Variants in BRF1 observed in about 807,000 individuals in gnomAD.
BRF1 encodes transcription factor IIIB 90 kDa subunit.
BRF1 carries 59 observed loss-of-function variants against 81.7 expected under a neutral mutation model. That is an observed-to-expected ratio of 0.72 (90% CI 0.59 to 0.90). The LOEUF (loss-of-function observed/expected upper bound fraction) is 0.90. Ranked by LOEUF, BRF1 falls within the 40% of genes least tolerant of loss-of-function variation. The probability of loss-of-function intolerance (pLI) is 0.00; values close to 1 mark genes in which losing one functional copy is unlikely to be tolerated. For synonymous variants in BRF1, 491 were observed against 395.6 expected (o/e 1.24, Z -2.86); for missense variants, 1,050 against 936.3 (o/e 1.12, Z -1.58).
intron 3 of BRF1, among the ~76,000 whole-genome samples, chr14:105,261,714 C>G (rs587706067): frequency 3.3e-5 from 5 of 152,274 alleles, no homozygotes; most frequent in Non-Finnish European, 7.3e-5. Flanking sequence ...TAGAGCCCCA[C>G]AGAAAGGGCT....
At chr14:105,299,436 A>C (rs910043512) in intron 1 of BRF1, among the ~76,000 whole-genome samples, 2 of 152,080 alleles carry the variant, frequency 1.3e-5, no homozygotes, top group Non-Finnish European at 2.9e-5. Flanking sequence ...TGATCACAGC[A>C]TGGTGGCATG....
chr14:105,294,936 C>T (rs1011436018), intron 1 of BRF1, among the ~76,000 whole-genome samples: 4 of 152,140 alleles, frequency 2.6e-5, no homozygotes, highest in African/African-American at 9.7e-5. Flanking sequence ...AAGCCGAAAC[C>T]ACAGTGCAGA....
chr14:105,303,885 T>C (rs1189913548), upstream of BRF1, among the ~76,000 whole-genome samples: 2 of 152,228 alleles, frequency 1.3e-5, no homozygotes, highest in East Asian at 3.8e-4. Flanking sequence ...CTCCATTTTA[T>C]GGAGGGAGCC....
intron 5 of BRF1, among the ~76,000 whole-genome samples, chr14:105,245,479 A>G (rs2055027098): frequency 6.6e-6 from 1 of 152,248 alleles, no homozygotes. Flanking sequence ...AAGAAAAAGA[A>G]GCAAATAAAT....
Position 105,241,411 on chromosome 14 carries a change from G to A in BRF1, c.548C>T (p.Pro183Leu), listed in dbSNP as rs1206689613. 7 of 1,611,404 alleles carry A rather than the reference G, an allele frequency of 4.3e-6. No individual in the cohort carries two copies. Among genetic ancestry groups the A allele is most frequent in the Admixed American group, 1.7e-5 (1 of 59,990 alleles). ...CGCAAAGCGTGGAATATACAGGCACGGGTCTGCGGCAGACACAGCACCTCA... is the reference window on the plus strand; with the variant it reads ...CGCAAAGCGTGGAATATACAGGCACAGGTCTGCGGCAGACACAGCACCTCA... ...ELCINAPAIDPCLYIPRFAHL... is the reference protein window; with the variant it reads ...ELCINAPAIDLCLYIPRFAHL... Residue 183 changes from proline to leucine, a missense_variant, in exon 6 of 18, where the codon CCG becomes CTG. Pro to Leu is a moderately conservative substitution (Grantham distance 98, BLOSUM62 -3). Coordinates refer to ENST00000547530, the MANE Select transcript of BRF1 (RefSeq NM_001519.4).
chr14:105,260,800 G>A (rs951805060), intron 3 of BRF1, among the ~76,000 whole-genome samples: 1 of 152,222 alleles, frequency 6.6e-6, no homozygotes, highest in African/African-American at 2.4e-5. Context: ...CACTTGATCC[G>A]CATTCACCTG....
chr14:105,258,975 C>G (rs587666701), intron 3 of BRF1, among the ~76,000 whole-genome samples: 1 of 152,138 alleles, frequency 6.6e-6, no homozygotes, highest in African/African-American at 2.4e-5. Context: ...GCCACGAGCC[C>G]GCGACGTCAC....
intron 5 of BRF1, chr14:105,250,685 G>A: frequency 6.3e-7 from 1 of 1,596,094 alleles, no homozygotes. Context: ...TGCCCGGGGA[G>A]GCTGCAGCAG....
At chr14:105,241,662 G>A (rs1057452279) in intron 5 of BRF1, 17 of 563,684 alleles carry the variant, frequency 3.0e-5, no homozygotes, top group African/African-American at 9.4e-5. Flanking sequence ...GCCAGGCAGC[G>A]TGCTCCTACT....
intron 14 of BRF1, among the ~76,000 whole-genome samples, chr14:105,218,501 A>C (rs1891700969): frequency 6.6e-6 from 1 of 152,154 alleles, no homozygotes; most frequent in Non-Finnish European, 1.5e-5. Context: ...TCTCGCAGGC[A>C]GGGAACTGGC....
chr14:105,249,726 T>C (rs776474343), intron 5 of BRF1: 2 of 1,613,904 alleles, frequency 1.2e-6, no homozygotes, highest in Non-Finnish European at 8.5e-7. Flanking sequence ...GTCCCAGCAT[T>C]GGCAAAAGCC....
intron 4 of BRF1, among the ~76,000 whole-genome samples, chr14:105,253,931 G>A (rs2055742738): frequency 1.3e-5 from 2 of 152,240 alleles, no homozygotes; most frequent in Non-Finnish European, 1.5e-5. Context: ...GTGCAGACAT[G>A]CATGTGTGTA....
At position 105,253,132 on chromosome 14, in the gene BRF1, C is replaced by T. The variant is rs182248209; in HGVS notation, c.472-553G>A. Among the ~76,000 whole-genome samples the T allele has an allele frequency of 2.5e-4, 38 of 152,336 alleles. No homozygotes were observed. The East Asian group carries it at 6.0e-3, about 24-fold the overall frequency. On this transcript the variant is annotated intron_variant, in intron 4 of 17. Coordinates refer to ENST00000547530, the MANE Select transcript of BRF1 (RefSeq NM_001519.4). ...AGGGCAGTGGAGGTGAGGCCCAGAC[C>T]GAGAAGGGCAACGCCGAGGGCTGGC...
rs752842586 is a variant in BRF1, at chr14:105,226,106, T to C, written c.1011A>G (p.Pro337=). 6.2e-7 allele frequency: 1 copy of C among 1,613,968 alleles called. No homozygotes were observed. Among genetic ancestry groups the C allele is most frequent in the Non-Finnish European group, 8.5e-7 (1 of 1,180,028 alleles). ...GGCTGGCCAGGCCCCCCTTGGCCTT[T>C]GGCCGGCTGTTTTCTAGTTCAATCT... ...AIEIELENSR[P]KAKGGLASLA... Residue 337 remains proline, a synonymous_variant, in exon 10 of 18, where the codon CCA becomes CCG. Coordinates refer to ENST00000547530, the MANE Select transcript of BRF1 (RefSeq NM_001519.4).
intron 3 of BRF1, among the ~76,000 whole-genome samples, chr14:105,263,797 C>A (rs2056275712): frequency 6.6e-6 from 1 of 151,826 alleles, no homozygotes; most frequent in Non-Finnish European, 1.5e-5. Flanking sequence ...TGGTGGCGGG[C>A]ACCTATAGTC....
At chr14:105,244,520 G>A (rs1385981254) in intron 5 of BRF1, among the ~76,000 whole-genome samples, 3 of 152,110 alleles carry the variant, frequency 2.0e-5, no homozygotes, top group Non-Finnish European at 4.4e-5. Flanking sequence ...GGAGGAAGTG[G>A]TGGGCAGCGG....
At chr14:105,241,564 C>T in intron 5 of BRF1, 150 bp from the exon 6 acceptor site, 1 of 1,028,608 alleles carries the variant, frequency 9.7e-7, no homozygotes, top group Non-Finnish European at 1.4e-6. Context: ...CAAAGCCTCT[C>T]TGACCCTCAG....
In BRF1 at chr14:105,278,304, T is replaced by G. The variant is rs587772019; in HGVS notation, c.266-5410A>C. On this transcript the variant is annotated intron_variant, in intron 2 of 17. Coordinates refer to ENST00000547530, the MANE Select transcript of BRF1 (RefSeq NM_001519.4). ...CCAACTGCTAAAATAATCAGCCAGGTGTGGTGGTGCAAGCCTGTAGGCCCA... is the reference window on the plus strand; with the variant it reads ...CCAACTGCTAAAATAATCAGCCAGGGGTGGTGGTGCAAGCCTGTAGGCCCA... 1.7e-4 allele frequency among the ~76,000 whole-genome samples: 26 copies of G among 151,760 alleles called. No individual in the cohort carries two copies. The South Asian group carries it at 4.8e-3, about 28-fold the overall frequency.
At chr14:105,279,073 G>T (rs1391596821) in intron 2 of BRF1, among the ~76,000 whole-genome samples, 2 of 152,026 alleles carry the variant, frequency 1.3e-5, no homozygotes. Flanking sequence ...AGTGGATGTG[G>T]TGGCATGTAC....
Sources: allele counts gnomAD v4.1 joint callset (sites outside exome capture counted in the v4.1 genomes callset), GRCh38; gene constraint gnomAD v4.1.1; transcripts MANE v1.5; gene names NCBI Gene and HGNC (gene_info 2026-07-23, HGNC 2026-07-21).